DOK6: variants seen among roughly 807,000 people sequenced by gnomAD.
DOK6 encodes the protein downstream of tyrosine kinase 6.
Under a neutral mutation model 44.0 loss-of-function variants are expected in DOK6, and 22 were observed. That is an observed-to-expected ratio of 0.50 (90% CI 0.36 to 0.71). The LOEUF (loss-of-function observed/expected upper bound fraction) is 0.71. Ranked by LOEUF, DOK6 falls within the 30% of genes least tolerant of loss-of-function variation. The pLI is 0.00. For synonymous variants in DOK6, 166 were observed against 145.5 expected (o/e 1.14, Z -1.01); for missense variants, 340 against 416.4 (o/e 0.82, Z 1.60).
At chr18:69,511,424 G>A (rs1981361987) in intron 1 of DOK6, among the ~76,000 whole-genome samples, 1 of 151,992 alleles carries the variant, frequency 6.6e-6, no homozygotes, top group Non-Finnish European at 1.5e-5. Context: ...AGGAAATAAG[G>A]GTAAATATTT....
intron 1 of DOK6, among the ~76,000 whole-genome samples, chr18:69,496,622 A>G (rs1205704999): frequency 6.6e-6 from 1 of 152,198 alleles, no homozygotes; most frequent in Non-Finnish European, 1.5e-5. Flanking sequence ...ATCTCCATTC[A>G]TTCCTCTAAA....
At chr18:69,563,648 T>C (rs1223110382) in intron 1 of DOK6, among the ~76,000 whole-genome samples, 1 of 100,602 alleles carries the variant, frequency 9.9e-6, no homozygotes, top group Non-Finnish European at 1.9e-5. Context: ...CTGGGGCCTG[T>C]TGCGGGGTGG....
chr18:69,599,271 C>A, intron 2 of DOK6, 113 bp from the exon 3 acceptor site: 2 of 784,568 alleles, frequency 2.5e-6, no homozygotes, highest in Non-Finnish European at 2.0e-6. Flanking sequence ...AGAATGAGTA[C>A]AAATATCCCG....
intron 7 of DOK6, among the ~76,000 whole-genome samples, chr18:69,821,799 T>TTAA (rs10641812): frequency 0.12 from 17,518 of 149,244 alleles, 1,067 homozygotes; most frequent in East Asian, 0.16. Context: ...TTTTTTTTTT[T>TTAA]AAAAAAAATC....
intron 7 of DOK6, among the ~76,000 whole-genome samples, chr18:69,804,758 A>G (rs1018019332): frequency 6.6e-6 from 1 of 152,156 alleles, no homozygotes; most frequent in Non-Finnish European, 1.5e-5. Context: ...CAACGAAACT[A>G]CTTAAGCTTC....
intron 7 of DOK6, among the ~76,000 whole-genome samples, chr18:69,811,468 A>C (rs1269488582): frequency 2.0e-5 from 3 of 148,600 alleles, no homozygotes; most frequent in Non-Finnish European, 4.4e-5. Flanking sequence ...CTCTATAAAA[A>C]AATGTTAAGT....
At chr18:69,598,855 C>T (rs552453870) in intron 2 of DOK6, among the ~76,000 whole-genome samples, 1 of 152,096 alleles carries the variant, frequency 6.6e-6, no homozygotes, top group Non-Finnish European at 1.5e-5. Context: ...GTGTATGGGT[C>T]TGTGAACACT....
At chr18:69,784,629 C>T (rs1980377231) in intron 7 of DOK6, among the ~76,000 whole-genome samples, 1 of 151,762 alleles carries the variant, frequency 6.6e-6, no homozygotes, top group Admixed American at 6.6e-5. Context: ...CATTTTATTC[C>T]ATCCAAAAAA....
chr18:69,456,396 T>C (rs577613983), intron 1 of DOK6, among the ~76,000 whole-genome samples: 4 of 152,212 alleles, frequency 2.6e-5, no homozygotes, highest in South Asian at 2.1e-4. Flanking sequence ...TGAGAACATA[T>C]GGTATTTGGC....
intron 1 of DOK6, among the ~76,000 whole-genome samples, chr18:69,560,192 G>C (rs1982794118): frequency 1.3e-5 from 2 of 152,136 alleles, no homozygotes; most frequent in Non-Finnish European, 1.5e-5. Flanking sequence ...ACTTCTGCAA[G>C]TGGAAGTGTT....
chr18:69,530,301 G>A (rs917479482), intron 1 of DOK6, among the ~76,000 whole-genome samples: 1 of 151,998 alleles, frequency 6.6e-6, no homozygotes, highest in African/African-American at 2.4e-5. Flanking sequence ...TGCAGGCACT[G>A]GGCAGACATT....
At chr18:69,593,113 C>G (rs1182002070) in intron 2 of DOK6, among the ~76,000 whole-genome samples, 1 of 151,718 alleles carries the variant, frequency 6.6e-6, no homozygotes, top group South Asian at 2.1e-4. Flanking sequence ...GCTTGTAATC[C>G]CAACACTCTG....
chr18:69,690,151 AAAG>A (rs1295951195), intron 4 of DOK6, among the ~76,000 whole-genome samples: 2 of 152,150 alleles, frequency 1.3e-5, no homozygotes, highest in African/African-American at 2.4e-5. Flanking sequence ...GTAAAGCAAA[AAAG>A]AAATTTCTGG....
At chr18:69,737,114 C>T (rs1038151103) in intron 5 of DOK6, among the ~76,000 whole-genome samples, 3 of 152,120 alleles carry the variant, frequency 2.0e-5, no homozygotes, top group Non-Finnish European at 4.4e-5. Flanking sequence ...CTAACAGCCC[C>T]AAAAGAACAC....
At chr18:69,784,213 AC>A (rs1980363583) in intron 7 of DOK6, among the ~76,000 whole-genome samples, 1 of 152,074 alleles carries the variant, frequency 6.6e-6, no homozygotes, top group Non-Finnish European at 1.5e-5. Context: ...AAAATTTTCC[AC>A]CCTTTTGTTA....
intron 1 of DOK6, among the ~76,000 whole-genome samples, chr18:69,402,031 A>T (rs540007647): frequency 1.3e-5 from 2 of 152,264 alleles, no homozygotes; most frequent in South Asian, 4.2e-4. Context: ...TATTCTAGTG[A>T]CCAGACGAGG....
intron 1 of DOK6, among the ~76,000 whole-genome samples, chr18:69,406,083 T>C (rs143528727): frequency 4.2e-4 from 64 of 152,366 alleles, no homozygotes; most frequent in Middle Eastern, 3.4e-3. Context: ...TCTAGATTTT[T>C]ATTCATGGTG....
chr18:69,529,868 A>C (rs1046122575), intron 1 of DOK6, among the ~76,000 whole-genome samples: 5 of 152,214 alleles, frequency 3.3e-5, no homozygotes, highest in Non-Finnish European at 7.4e-5. Flanking sequence ...TATCAAATGT[A>C]TAATAATGAT....
intron 2 of DOK6, among the ~76,000 whole-genome samples, chr18:69,588,802 AATTAT>A (rs777077608): frequency 1.0e-4 from 15 of 144,162 alleles, no homozygotes; most frequent in Non-Finnish European, 2.1e-4. Flanking sequence ...TTATGCATAT[AATTAT>A]ATTATAATTA....
Sources: gnomAD v4.1 joint callset for allele counts (sites outside exome capture counted in the v4.1 genomes callset) on GRCh38, gnomAD v4.1.1 for gene constraint, MANE v1.5 for transcripts, NCBI Gene and HGNC (gene_info 2026-07-23, HGNC 2026-07-21) for gene names.